The following SPATA7 variants were observed in gnomAD, a reference collection of about 807,000 sequenced individuals.
SPATA7 encodes the protein spermatogenesis-associated protein 7.
A neutral mutation model predicts 51.8 loss-of-function variants in SPATA7; 43 were observed. The observed-to-expected ratio is 0.83, with a 90% CI of 0.65 to 1.07. The LOEUF (loss-of-function observed/expected upper bound fraction) is 1.07. SPATA7 is among the 50% of genes least tolerant of loss of function. The probability of loss-of-function intolerance (pLI) is 0.00; values close to 1 mark genes in which losing one functional copy is unlikely to be tolerated. For synonymous variants in SPATA7, 230 were observed against 252.8 expected, an observed-to-expected ratio of 0.91 and a Z score of 0.86; for missense variants, 683 against 701.3, an observed-to-expected ratio of 0.97 and a Z score of 0.30.
chr14:88,436,604 G>A (rs943205140), intron 10 of SPATA7, among the ~76,000 whole-genome samples: 9 of 152,092 alleles, frequency 5.9e-5, no homozygotes, highest in Non-Finnish European at 1.3e-4. Context: ...TTTTGTATGT[G>A]GTGAGAGATA....
downstream of SPATA7, among the ~76,000 whole-genome samples, chr14:88,459,904 G>A (rs141502690): frequency 0.038 from 5,761 of 152,216 alleles, 352 homozygotes; most frequent in African/African-American, 0.13. Context: ...TTGTAGAGCA[G>A]GCCTGGTGGT....
chr14:88,418,903 A>C (rs1310216685), intron 5 of SPATA7, among the ~76,000 whole-genome samples: 1 of 152,212 alleles, frequency 6.6e-6, no homozygotes, highest in African/African-American at 2.4e-5. Flanking sequence ...GTGATTAGGA[A>C]ACATCTATAT....
At chr14:88,417,255 T>G (rs552166115) in intron 5 of SPATA7, among the ~76,000 whole-genome samples, 1 of 151,674 alleles carries the variant, frequency 6.6e-6, no homozygotes, top group African/African-American at 2.4e-5. Context: ...TTTTTGCATC[T>G]CTTGGAATGA....
intron 3 of SPATA7, among the ~76,000 whole-genome samples, chr14:88,450,079 A>G (rs1595313434): frequency 6.6e-6 from 1 of 151,978 alleles, no homozygotes; most frequent in African/African-American, 2.4e-5. Flanking sequence ...GAATTTATCC[A>G]TCTCCTCTAG....
chr14:88,425,244 A>C (rs537258928), intron 5 of SPATA7, among the ~76,000 whole-genome samples: 1 of 152,314 alleles, frequency 6.6e-6, no homozygotes, highest in East Asian at 1.9e-4. Context: ...AGTAGCAGTG[A>C]TAGAAGTTCT....
At chr14:88,428,394 C>T (rs2076853701) in intron 7 of SPATA7, 1 of 152,098 alleles carries the variant, frequency 6.6e-6, no homozygotes, top group Admixed American at 6.6e-5. Context: ...TCAACTTCCC[C>T]CTTCCCTTCT....
At position 88,447,669 on chromosome 14, in the gene SPATA7, GGGCAGGCCTGGT is replaced by G. The variant is rs2077223923; in HGVS notation, c.178-7388_178-7377del. 6.6e-5 allele frequency among the ~76,000 whole-genome samples: 10 copies of G among 151,642 alleles called. No individual in the cohort carries two copies. The South Asian group carries it at 1.9e-3, about 29-fold the overall frequency. On this transcript the variant is annotated intron_variant, in intron 3 of 3. Coordinates refer to the SPATA7 transcript ENST00000554802. ...AGCGCTTCCTTCAGGAGCTCTTTTA[GGGCAGGCCTGGT>G]GGTGACAAAATCTCTCAGCATTTGC...
At chr14:88,409,053 A>G (rs2076270442) in intron 4 of SPATA7, among the ~76,000 whole-genome samples, 1 of 152,154 alleles carries the variant, frequency 6.6e-6, no homozygotes, top group Non-Finnish European at 1.5e-5. Flanking sequence ...AGTCAGGAAT[A>G]TTGGCCTGAA....
At chr14:88,396,278 CTT>C (rs2075877047) in intron 4 of SPATA7, 75 bp downstream of exon 4, 1 of 1,086,262 alleles carries the variant, frequency 9.2e-7, no homozygotes, top group South Asian at 1.3e-5. Context: ...AATTTACTGT[CTT>C]AACCATTTTT....
chr14:88,386,298 C>G (rs974889701), intron 1 of SPATA7, among the ~76,000 whole-genome samples: 1 of 152,106 alleles, frequency 6.6e-6, no homozygotes, highest in Non-Finnish European at 1.5e-5. Flanking sequence ...AGAGAAGATC[C>G]TGGCGCATTT....
chr14:88,416,467 T>C (rs2076481555), intron 4 of SPATA7: 1 of 327,694 alleles, frequency 3.1e-6, no homozygotes, highest in Non-Finnish European at 5.6e-6. Context: ...GTTTGTATTA[T>C]TTAAATAGTT....
intron 3 of SPATA7, among the ~76,000 whole-genome samples, chr14:88,443,971 T>C (rs1030066472): frequency 2.6e-5 from 4 of 152,054 alleles, no homozygotes; most frequent in African/African-American, 7.3e-5. Flanking sequence ...TATAGCAGCA[T>C]GATTTATAGT....
intron 7 of SPATA7, chr14:88,427,979 T>C (rs2076841592): frequency 3.5e-6 from 1 of 283,248 alleles, no homozygotes; most frequent in Non-Finnish European, 6.7e-6. Context: ...GTAAAATACC[T>C]TAAGTATTGT....
rs2140078525 is a variant in SPATA7 at position 88,469,434 on chromosome 14, A to C, written c.255-413A>C. 2 of 1,338,714 alleles carry C rather than the reference A, an allele frequency of 1.5e-6. No individual in the cohort carries two copies. The highest frequency in any genetic ancestry group is 4.6e-5 in the East Asian group (2 of 43,472). The allele number at this position is 1,338,714 out of a possible 1,614,324, so 82.9% of individuals were successfully genotyped here. On this transcript the variant is annotated intron_variant, in intron 4 of 4. Coordinates refer to the SPATA7 transcript ENST00000556406. This position sits in a 1 kb window ranked among gnomAD's most constrained non-coding sequence, Gnocchi z 4.3. ...ATAAAGGAAATATTTCGGAAACATA[A>C]ATGTTCCTCTCTGTTTAACACCTCC...
intron 10 of SPATA7, among the ~76,000 whole-genome samples, chr14:88,437,063 A>G (rs1184739942): frequency 8.6e-5 from 13 of 150,318 alleles, no homozygotes; most frequent in Non-Finnish European, 3.0e-5. Flanking sequence ...ATGAATTTGG[A>G]ATATTTTTCC....
At position 88,469,514 on chromosome 14, in the gene SPATA7, G is replaced by C; in HGVS notation, c.255-333G>C. 1 of 1,613,410 alleles carries C rather than the reference G, an allele frequency of 6.2e-7. No individual in the cohort carries two copies. Among genetic ancestry groups the C allele is most frequent in the Non-Finnish European group, 8.5e-7 (1 of 1,179,360 alleles). On this transcript the variant is annotated intron_variant, in intron 4 of 4. Transcript: ENST00000556406. This position sits in a 1 kb window ranked among gnomAD's most constrained non-coding sequence, Gnocchi z 4.3. The stretch of plus-strand genomic sequence containing the variant: ...AGTCACTCACATAAAAATCCCTTGA[G>C]GTCTTCTGGACAGCCATGTTCAGGC...
At chr14:88,449,121 A>G (rs561256516) in intron 3 of SPATA7, among the ~76,000 whole-genome samples, 1 of 151,660 alleles carries the variant, frequency 6.6e-6, no homozygotes, top group South Asian at 2.1e-4. Flanking sequence ...GGTTTGGTTG[A>G]TTCTTGTTTC....
downstream of SPATA7, among the ~76,000 whole-genome samples, chr14:88,456,904 A>C (rs541202803): frequency 2.1e-3 from 317 of 152,282 alleles, 4 homozygotes; most frequent in African/African-American, 7.2e-3. Flanking sequence ...TTTTTATATA[A>C]GGTGTAAGGA....
intron 4 of SPATA7, among the ~76,000 whole-genome samples, chr14:88,403,280 A>G (rs2076119019): frequency 6.6e-6 from 1 of 152,200 alleles, no homozygotes; most frequent in South Asian, 2.1e-4. Flanking sequence ...GAGAAATTGA[A>G]AATAGAACTA....
Sources: gnomAD v4.1 joint callset for allele counts (sites outside exome capture counted in the v4.1 genomes callset) on GRCh38, gnomAD v4.1.1 for gene constraint, Gnocchi (gnomAD v3.1) non-coding constraint, MANE v1.5 for transcripts, NCBI Gene and HGNC (gene_info 2026-07-23, HGNC 2026-07-21) for gene names.